The following AHCTF1 variants were observed in gnomAD, a reference collection of about 807,000 sequenced individuals.
AHCTF1 encodes the protein protein ELYS.
In AHCTF1, 24 loss-of-function variants were observed where a neutral mutation model predicts 248.4. The ratio of observed to expected loss-of-function variants is 0.10; its 90% confidence interval spans 0.07 to 0.14. The LOEUF is 0.14. Among genes scored for constraint, AHCTF1 ranks in the 10% least tolerant of loss-of-function variants. The pLI, the probability that AHCTF1 is intolerant of heterozygous loss-of-function variation, is 1.00. For synonymous variants in AHCTF1, 786 were observed against 929.8 expected (o/e 0.85, Z 2.81); for missense variants, 2,206 against 2,636.2 (o/e 0.84, Z 3.57).
intron 24 of AHCTF1, among the ~76,000 whole-genome samples, chr1:246,874,941 T>C (rs1662835703): frequency 1.3e-5 from 2 of 152,204 alleles, no homozygotes; most frequent in South Asian, 4.1e-4. Flanking sequence ...ACAATCAGCC[T>C]GTTTTACAGC....
At chr1:246,870,597 G>A (rs1205759310) in intron 24 of AHCTF1, among the ~76,000 whole-genome samples, 1 of 151,564 alleles carries the variant, frequency 6.6e-6, no homozygotes, top group Non-Finnish European at 1.5e-5. Flanking sequence ...GGGATTATAG[G>A]AATTTTACAT....
At chr1:246,871,029 T>C (rs77210882) in intron 24 of AHCTF1, among the ~76,000 whole-genome samples, 7 of 152,180 alleles carry the variant, frequency 4.6e-5, no homozygotes, top group East Asian at 1.9e-4. Flanking sequence ...CTTGCTTAAG[T>C]TGCCAAACCT....
intron 24 of AHCTF1, among the ~76,000 whole-genome samples, chr1:246,871,681 C>T (rs1662598581): frequency 1.3e-5 from 2 of 152,128 alleles, no homozygotes; most frequent in South Asian, 2.1e-4. Flanking sequence ...TCTAAGTATG[C>T]TTTCTCTGTA....
At chr1:246,862,985 TTC>T in intron 27 of AHCTF1, among the ~76,000 whole-genome samples, 1 of 152,314 alleles carries the variant, frequency 6.6e-6, no homozygotes, top group South Asian at 2.1e-4. Context: ...TCATAATAAA[TTC>T]TGTTAGACAT....
intron 20 of AHCTF1, among the ~76,000 whole-genome samples, chr1:246,886,389 AAAC>A (rs1284477760): frequency 6.6e-6 from 1 of 152,188 alleles, no homozygotes; most frequent in Admixed American, 6.5e-5. Flanking sequence ...ATACAAATAA[AAAC>A]AATACAGAAT....
chr1:246,888,404 G>A lies in AHCTF1; in HGVS notation c.2258C>T (p.Ala753Val). The A allele has an allele frequency of 1.9e-6, 3 of 1,612,724 alleles. No homozygotes were observed. Among genetic ancestry groups the A allele is most frequent in the Non-Finnish European group, 2.5e-6 (3 of 1,179,978 alleles). The change falls in exon 18 of 36, where the codon GCT (alanine) becomes GTT (valine). Residue 753 changes from alanine (A) to valine (V), a missense_variant. By Grantham distance (64) the Ala-to-Val change is moderately conservative. This residue lies in a region of AHCTF1 where 650 missense variants were observed against 870.8 expected (regional missense o/e 0.75). Coordinates refer to ENST00000648844, the MANE Select transcript of AHCTF1 (RefSeq NM_001323342.2). ...TTACTGCAAACCTACATGCAGACTA[G>A]CAGGAGGATATTTTCCTGTGCCTCC... ...DEGGTGKYPP[A>V]SLHAVLDMYL...
intron 18 of AHCTF1, 42 bp downstream of exon 18, chr1:246,888,352 G>A: frequency 6.2e-7 from 1 of 1,612,514 alleles, no homozygotes; most frequent in Middle Eastern, 1.9e-4. Context: ...TCCCTCCCCA[G>A]CTTTGTAGAC....
chr1:246,879,177 C>A (rs954722980), intron 21 of AHCTF1, among the ~76,000 whole-genome samples: 1 of 151,952 alleles, frequency 6.6e-6, no homozygotes, highest in Non-Finnish European at 1.5e-5. Flanking sequence ...AGGCAGGTCA[C>A]AAAAGAAATA....
intron 1 of AHCTF1, among the ~76,000 whole-genome samples, chr1:246,918,653 G>A (rs1163562658): frequency 6.6e-6 from 1 of 152,226 alleles, no homozygotes; most frequent in Non-Finnish European, 1.5e-5. Flanking sequence ...GGGCGACAGA[G>A]CAAAATCCAG....
chr1:246,912,594 C>T (rs2103212491), intron 4 of AHCTF1, among the ~76,000 whole-genome samples: 1 of 152,228 alleles, frequency 6.6e-6, no homozygotes, highest in African/African-American at 2.4e-5. Flanking sequence ...TTAAGGTTAG[C>T]TCTTCCTTTC....
chr1:246,898,549 T>G (rs539393137), intron 11 of AHCTF1, among the ~76,000 whole-genome samples: 2 of 151,906 alleles, frequency 1.3e-5, no homozygotes, highest in Non-Finnish European at 2.9e-5. Context: ...AAAAGGTAGC[T>G]TATATATTTT....
At chr1:246,896,775 C>G (rs1421561064) in intron 12 of AHCTF1, among the ~76,000 whole-genome samples, 1 of 152,090 alleles carries the variant, frequency 6.6e-6, no homozygotes, top group Non-Finnish European at 1.5e-5. Flanking sequence ...TTTAATATCA[C>G]AGGAACCTAT....
At chr1:246,922,809 T>A (rs111980491) in intron 1 of AHCTF1, among the ~76,000 whole-genome samples, 54 of 150,040 alleles carry the variant, frequency 3.6e-4, no homozygotes, top group African/African-American at 1.1e-3. Flanking sequence ...GGTGAAACCC[T>A]GTCTCTACTA....
intron 24 of AHCTF1, among the ~76,000 whole-genome samples, chr1:246,868,956 T>C (rs909402508): frequency 1.1e-4 from 16 of 151,180 alleles, no homozygotes; most frequent in Admixed American, 9.9e-4. Context: ...GCCATTCTCC[T>C]GCCTCAGCCT....
At chr1:246,878,308 G>A (rs1663126795) in intron 21 of AHCTF1, among the ~76,000 whole-genome samples, 1 of 139,072 alleles carries the variant, frequency 7.2e-6, no homozygotes, top group Non-Finnish European at 1.5e-5. Flanking sequence ...AAGGTGGGAG[G>A]ATTGCTTGAT....
At chr1:246,846,765 G>C (rs1558206301) in intron 33 of AHCTF1, among the ~76,000 whole-genome samples, 1 of 151,782 alleles carries the variant, frequency 6.6e-6, no homozygotes, top group Non-Finnish European at 1.5e-5. Flanking sequence ...GGGGATGGGG[G>C]TGGGGAGGTG....
chr1:246,855,244 T>C (rs1017518046), intron 31 of AHCTF1, among the ~76,000 whole-genome samples: 26 of 152,180 alleles, frequency 1.7e-4, no homozygotes, highest in Admixed American at 1.7e-3. Flanking sequence ...GTAAGCTCCT[T>C]AAGAAAATCC....
chr1:246,865,059 T>G (rs1661867030), intron 26 of AHCTF1, among the ~76,000 whole-genome samples: 1 of 152,192 alleles, frequency 6.6e-6, no homozygotes, highest in African/African-American at 2.4e-5. Flanking sequence ...GCATGTATAA[T>G]CCAAGTAAGT....
At chr1:246,887,415 T>C (rs1346851896) in intron 19 of AHCTF1, 58 bp from the exon 20 acceptor site, 1 of 1,488,694 alleles carries the variant, frequency 6.7e-7, no homozygotes, top group African/African-American at 1.4e-5. Flanking sequence ...CCTACGTATA[T>C]ATTTACAATA....
Sources: gnomAD v4.1 joint callset for allele counts (sites outside exome capture counted in the v4.1 genomes callset) on GRCh38, gnomAD v4.1.1 for gene constraint, gnomAD v4.1.1 regional missense constraint, MANE v1.5 for transcripts, NCBI Gene and HGNC (gene_info 2026-07-23, HGNC 2026-07-21) for gene names.